Variants in OSBPL1A observed in about 807,000 individuals in gnomAD.
The protein encoded by OSBPL1A is oxysterol-binding protein-related protein 1.
A neutral mutation model predicts 137.1 loss-of-function variants in OSBPL1A; 80 were observed. That is an observed-to-expected ratio of 0.58 (90% CI 0.49 to 0.70). The LOEUF is 0.70. OSBPL1A is among the 30% of genes least tolerant of loss of function. The pLI, the probability that OSBPL1A is intolerant of heterozygous loss-of-function variation, is 0.00. For synonymous variants in OSBPL1A, 365 were observed against 389.7 expected, an observed-to-expected ratio of 0.94 and a Z score of 0.75; for missense variants, 970 against 1,129.4, an observed-to-expected ratio of 0.86 and a Z score of 2.02.
chr18:24,285,070 A>G (rs569116483), intron 14 of OSBPL1A, among the ~76,000 whole-genome samples: 10 of 152,260 alleles, frequency 6.6e-5, no homozygotes, highest in South Asian at 2.1e-4. Context: ...TAAAAACAAC[A>G]ACGACGACAA....
At position 24,178,333 on chromosome 18, in the gene OSBPL1A, G is replaced by A. The variant is rs866055589; in HGVS notation, c.1911-138C>T. The stretch of plus-strand genomic sequence containing the variant: ...TGTTGAGACAAAATCTTGCTCTGTC[G>A]CTCAGGCTGGAGCAGTGGCGTGATC... On this transcript the variant is annotated intron_variant, in intron 20 of 27. Transcript: ENST00000319481. 1.3e-5 allele frequency: 12 copies of A among 889,848 alleles called. 1 individual carries two copies. Among genetic ancestry groups the A allele is most frequent in the South Asian group, 6.2e-5 (3 of 48,730 alleles). The allele number at this position is 889,848 out of a possible 1,614,324, so 55.1% of individuals were successfully genotyped here.
At chr18:24,351,570 G>A (rs774964438) in intron 4 of OSBPL1A, among the ~76,000 whole-genome samples, 7 of 151,892 alleles carry the variant, frequency 4.6e-5, no homozygotes, top group Middle Eastern at 3.2e-3. Flanking sequence ...ATAGAGTTTC[G>A]CTCTTGTCAC....
rs147193619 is a variant in OSBPL1A at position 24,383,655 on chromosome 18, G to A, written c.-2-6120C>T. 9.6e-3 allele frequency among the ~76,000 whole-genome samples: 1,455 copies of A among 152,334 alleles called. 22 individuals carry two copies. Among genetic ancestry groups the A allele is most frequent in the African/African-American group, 0.032 (1,327 of 41,574 alleles). On this transcript the variant is annotated intron_variant, in intron 1 of 27. Coordinates refer to ENST00000319481, the MANE Select transcript of OSBPL1A (RefSeq NM_080597.4). ...TGTAGTCCCAGCTACTCGGGAGGCT[G>A]AGGCAAGAGAATTGCTTGAACCTAG...
chr18:24,180,693 G>A (rs1310936776), intron 19 of OSBPL1A, among the ~76,000 whole-genome samples: 1 of 152,122 alleles, frequency 6.6e-6, no homozygotes, highest in African/African-American at 2.4e-5. Context: ...GCTAACACAG[G>A]TGAAAACCCG....
chr18:24,220,030 A>G (rs1237144352), intron 17 of OSBPL1A, among the ~76,000 whole-genome samples: 3 of 152,148 alleles, frequency 2.0e-5, no homozygotes, highest in Admixed American at 2.0e-4. Flanking sequence ...CTCCAAATGC[A>G]CTTTTGTGGG....
chr18:24,213,839 T>C (rs1203627514), intron 17 of OSBPL1A, among the ~76,000 whole-genome samples: 1 of 152,224 alleles, frequency 6.6e-6, no homozygotes, highest in Non-Finnish European at 1.5e-5. Flanking sequence ...TTCTAAAATT[T>C]AGAATTTGTT....
intron 6 of OSBPL1A, 53 bp from the exon 7 acceptor site, chr18:24,333,139 T>C (rs2091114525): frequency 6.4e-7 from 1 of 1,574,542 alleles, no homozygotes; most frequent in South Asian, 1.1e-5. Flanking sequence ...TAGACTTTCC[T>C]CTCATAATTC....
chr18:24,210,620 G>C lies in OSBPL1A; in HGVS notation c.1602-14420C>G, dbSNP rs569951308. ...ACGATCATGACTCACTTGCAGCCTT[G>C]ACCTCCCAGGCTCAGGCAATCCTCC... On this transcript the variant is annotated intron_variant, in intron 17 of 27. Coordinates refer to ENST00000319481, the MANE Select transcript of OSBPL1A (RefSeq NM_080597.4). 4.0e-5 allele frequency among the ~76,000 whole-genome samples: 6 copies of C among 149,388 alleles called. No homozygotes were observed. In the Admixed American group the frequency reaches 4.0e-4, roughly 10 times the overall value.
Position 24,254,556 on chromosome 18 carries a change from TACAA to T in OSBPL1A, c.1282-15178_1282-15175del, listed in dbSNP as rs200251508. On this transcript the variant is annotated intron_variant, in intron 15 of 27. Transcript: ENST00000319481. Reference sequence around the variant, plus strand: ...ATGACGCGAGGAATTTTGGAAACTATACAAACAAACAATATGCTCCTGAATGACC... The same window carrying T: ...ATGACGCGAGGAATTTTGGAAACTATACAAACAATATGCTCCTGAATGACC... 3.1e-3 allele frequency among the ~76,000 whole-genome samples: 468 copies of T among 152,186 alleles called. 1 individual carries two copies. The highest frequency in any genetic ancestry group is 0.011 in the African/African-American group (456 of 41,530).
chr18:24,225,210 C>G lies in OSBPL1A; in HGVS notation c.1445-12G>C. The G allele has an allele frequency of 1.2e-6, 2 of 1,613,914 alleles. No homozygotes were observed. The highest frequency in any genetic ancestry group is 1.7e-6 in the Non-Finnish European group (2 of 1,179,854). On this transcript the variant is annotated splice_polypyrimidine_tract_variant and intron_variant, in intron 16 of 27. Transcript: ENST00000319481. ...TTCGGACTCGGAATCTGTGGCAGAG[C>G]AGGTTCATAGTTAATGAATTGAACT...
At chr18:24,222,710 G>T (rs1191627055) in intron 17 of OSBPL1A, among the ~76,000 whole-genome samples, 2 of 152,090 alleles carry the variant, frequency 1.3e-5, no homozygotes, top group East Asian at 3.8e-4. Flanking sequence ...GGTTGAAAAC[G>T]CTTGTTCTAT....
At chr18:24,179,341 A>G (rs374794202) in intron 20 of OSBPL1A, 1 of 166,264 alleles carries the variant, frequency 6.0e-6, no homozygotes, top group East Asian at 1.7e-4. Context: ...CCTGAGGTTA[A>G]ATGACGAGTT....
At chr18:24,318,347 G>A (rs1270874863) in intron 9 of OSBPL1A, among the ~76,000 whole-genome samples, 1 of 152,028 alleles carries the variant, frequency 6.6e-6, no homozygotes, top group Non-Finnish European at 1.5e-5. Context: ...GGAAGACTGA[G>A]GCAGGAGAAC....
chr18:24,252,442 A>G (rs2089124305), intron 15 of OSBPL1A, among the ~76,000 whole-genome samples: 2 of 152,188 alleles, frequency 1.3e-5, no homozygotes, highest in South Asian at 4.1e-4. Flanking sequence ...CTGAAGGAAA[A>G]AAACTCTTAC....
intron 17 of OSBPL1A, among the ~76,000 whole-genome samples, chr18:24,204,912 A>G (rs2087327579): frequency 2.0e-5 from 3 of 152,194 alleles, no homozygotes; most frequent in Admixed American, 1.3e-4. Flanking sequence ...TGTTTCAGGG[A>G]AGACAGAAAA....
At chr18:24,322,357 G>A (rs1301046369) in intron 7 of OSBPL1A, among the ~76,000 whole-genome samples, 1 of 151,326 alleles carries the variant, frequency 6.6e-6, no homozygotes, top group Admixed American at 6.6e-5. Context: ...TCCTGACCTC[G>A]TGATCTGCCC....
intron 15 of OSBPL1A, among the ~76,000 whole-genome samples, chr18:24,274,776 G>T (rs952902666): frequency 6.6e-6 from 1 of 152,078 alleles, no homozygotes; most frequent in Non-Finnish European, 1.5e-5. Flanking sequence ...GGGTGTGGTG[G>T]CGTGCACTTG....
chr18:24,280,784 C>G, intron 15 of OSBPL1A, 58 bp downstream of exon 15: 1 of 1,197,020 alleles, frequency 8.4e-7, no homozygotes, highest in Non-Finnish European at 1.1e-6. Context: ...ACTTCATGGA[C>G]AACCACGCAT....
chr18:24,288,294 T>A (rs748806723), intron 14 of OSBPL1A, among the ~76,000 whole-genome samples: 2 of 152,074 alleles, frequency 1.3e-5, no homozygotes, highest in Non-Finnish European at 2.9e-5. Flanking sequence ...AAGGAATAGT[T>A]AAGAGAGGAA....
Sources: gnomAD v4.1 joint callset for allele counts (sites outside exome capture counted in the v4.1 genomes callset) on GRCh38, gnomAD v4.1.1 for gene constraint, MANE v1.5 for transcripts, NCBI Gene and HGNC (gene_info 2026-07-23, HGNC 2026-07-21) for gene names.